Variants in TVP23C observed in about 807,000 individuals in gnomAD.
TVP23C encodes the protein Golgi apparatus membrane protein TVP23 homolog C.
Under a neutral mutation model 28.7 loss-of-function variants are expected in TVP23C, and 19 were observed. The observed-to-expected ratio is 0.66, with a 90% CI of 0.46 to 0.97. The LOEUF is 0.97. Ranked by LOEUF, TVP23C falls within the 50% of genes least tolerant of loss-of-function variation. The pLI, the probability that TVP23C is intolerant of heterozygous loss-of-function variation, is 0.00. For missense variants in TVP23C, 186 were observed against 241.3 expected, an observed-to-expected ratio of 0.77 and a Z score of 1.52; for synonymous variants, 68 against 81.7, an observed-to-expected ratio of 0.83 and a Z score of 0.90.
intron 3 of TVP23C, among the ~76,000 whole-genome samples, chr17:15,550,663 G>A (rs1983844541): frequency 6.6e-6 from 1 of 151,974 alleles, no homozygotes; most frequent in Non-Finnish European, 1.5e-5. Flanking sequence ...ATTTTACTCT[G>A]TGAATGATCT....
At chr17:15,524,406 G>A (rs1448451924) in intron 5 of TVP23C, among the ~76,000 whole-genome samples, 2 of 152,096 alleles carry the variant, frequency 1.3e-5, no homozygotes, top group East Asian at 3.9e-4. Context: ...TGAATGCTTG[G>A]TTGTTTCCAG....
At chr17:15,563,349 GC>G (rs1984490372) in intron 1 of TVP23C, 87 bp downstream of exon 1, 1 of 1,527,800 alleles carries the variant, frequency 6.5e-7, no homozygotes, top group African/African-American at 1.4e-5. Flanking sequence ...CGAGTAGCGG[GC>G]GCGGGGGACG....
chr17:15,507,952 T>G (rs1165666660), intron 5 of TVP23C, among the ~76,000 whole-genome samples: 1 of 152,204 alleles, frequency 6.6e-6, no homozygotes, highest in Non-Finnish European at 1.5e-5. Context: ...TTCGAGTTCA[T>G]GTAAGGAGTA....
chr17:15,545,314 C>T (rs1258200866), intron 5 of TVP23C, among the ~76,000 whole-genome samples: 1 of 152,184 alleles, frequency 6.6e-6, no homozygotes, highest in African/African-American at 2.4e-5. Flanking sequence ...CATGGAAAAA[C>T]ATGTGGAGAG....
At chr17:15,507,325 T>C (rs1981799607) in intron 5 of TVP23C, 1 of 758,884 alleles carries the variant, frequency 1.3e-6, no homozygotes, top group Non-Finnish European at 2.4e-6. Context: ...AGCAAGAAGA[T>C]CACCATTGCT....
chr17:15,533,243 G>A (rs370543564), downstream of TVP23C, among the ~76,000 whole-genome samples: 4 of 152,344 alleles, frequency 2.6e-5, no homozygotes, highest in African/African-American at 9.6e-5. Context: ...ATAAAAGGAA[G>A]CAACTTACGG....
chr17:15,503,369 C>A (rs1981576858), intron 5 of TVP23C: 2 of 1,092,844 alleles, frequency 1.8e-6, no homozygotes, highest in Admixed American at 3.0e-5. Flanking sequence ...CACGCCACTG[C>A]ACTCCAGCCT....
chr17:15,541,634 TTTAA>T (rs1983414231), intron 5 of TVP23C, among the ~76,000 whole-genome samples: 1 of 152,176 alleles, frequency 6.6e-6, no homozygotes. Context: ...GATTTTAATG[TTTAA>T]TTAATAGATT....
chr17:15,542,826 G>C (rs575897388), intron 5 of TVP23C, among the ~76,000 whole-genome samples: 2 of 152,274 alleles, frequency 1.3e-5, no homozygotes, highest in South Asian at 4.1e-4. Context: ...TTGCATGAGT[G>C]AAAAATCAGA....
chr17:15,526,314 G>A (rs990329346), intron 5 of TVP23C, among the ~76,000 whole-genome samples: 2 of 151,960 alleles, frequency 1.3e-5, no homozygotes, highest in Non-Finnish European at 1.5e-5. Flanking sequence ...GCTCATCATC[G>A]AAGCCTCACC....
At chr17:15,543,881 G>C (rs1983530458) in intron 5 of TVP23C, among the ~76,000 whole-genome samples, 1 of 151,788 alleles carries the variant, frequency 6.6e-6, no homozygotes, top group Non-Finnish European at 1.5e-5. Flanking sequence ...AAATAAAAAT[G>C]ATCCAACATA....
intron 5 of TVP23C, among the ~76,000 whole-genome samples, chr17:15,506,325 C>T (rs1375953889): frequency 2.0e-5 from 3 of 152,194 alleles, no homozygotes; most frequent in African/African-American, 4.8e-5. Context: ...ATTATAAATA[C>T]ACCAATCAGC....
At chr17:15,517,507 C>T (rs565203397) in intron 5 of TVP23C, among the ~76,000 whole-genome samples, 1 of 152,272 alleles carries the variant, frequency 6.6e-6, no homozygotes, top group East Asian at 1.9e-4. Context: ...TCATCTTATC[C>T]AATAAGGGTG....
At chr17:15,552,144 T>C (rs1424253346) in intron 3 of TVP23C, among the ~76,000 whole-genome samples, 1 of 152,206 alleles carries the variant, frequency 6.6e-6, no homozygotes, top group Non-Finnish European at 1.5e-5. Flanking sequence ...CTGGAAAGCA[T>C]GTTCTATTTG....
At chr17:15,516,971 G>C (rs1190873509) in intron 5 of TVP23C, among the ~76,000 whole-genome samples, 1 of 152,196 alleles carries the variant, frequency 6.6e-6, no homozygotes, top group African/African-American at 2.4e-5. Context: ...AGGTGTGCAA[G>C]CTCAGAAACT....
intron 5 of TVP23C, among the ~76,000 whole-genome samples, chr17:15,542,437 G>C (rs1316351826): frequency 6.6e-6 from 1 of 152,052 alleles, no homozygotes; most frequent in Non-Finnish European, 1.5e-5. Context: ...CCGTCCTGTG[G>C]TCTTAACCCA....
chr17:15,538,263 T>A lies in TVP23C; in HGVS notation c.*2149A>T, dbSNP rs192809995. The A allele has an allele frequency of 3.0e-5, 46 of 1,548,262 alleles. No homozygotes were observed. The highest frequency in any genetic ancestry group is 3.9e-5 in the Non-Finnish European group (45 of 1,149,366). ...CATTCTATATTTCTAAGCAGAGCAT[T>A]ACCTTACATACAATGGCCCAATCAC... On this transcript the variant is annotated 3_prime_UTR_variant, in exon 6 of 6. Coordinates refer to ENST00000518321, the MANE Select transcript of TVP23C (RefSeq NM_001135036.2).
intron 5 of TVP23C, among the ~76,000 whole-genome samples, chr17:15,513,534 C>T (rs1982091385): frequency 6.6e-6 from 1 of 152,150 alleles, no homozygotes; most frequent in South Asian, 2.1e-4. Flanking sequence ...AGCAAGGGAC[C>T]AAGATTTATA....
In TVP23C at chr17:15,538,458, C is replaced by T. The variant is rs1327366872; in HGVS notation, c.*1954G>A. The T allele has an allele frequency of 9.2e-5, 62 of 675,034 alleles. No homozygotes were observed. In the East Asian group the frequency reaches 1.2e-3, roughly 13 times the overall value. The allele number at this position is 675,034 out of a possible 1,614,324, so 41.8% of individuals were successfully genotyped here. A position where few individuals can be genotyped will look rare whatever the true frequency, so the allele number is the denominator to read the frequency against. ...ACAAAAAATTAGCCAGGCGTGGTGG[C>T]GGGCGCCTGCAATCCCAGCTACTCG... On this transcript the variant is annotated 3_prime_UTR_variant, in exon 6 of 6. Transcript: ENST00000518321.
Sources: allele counts gnomAD v4.1 joint callset (sites outside exome capture counted in the v4.1 genomes callset), GRCh38; gene constraint gnomAD v4.1.1; transcripts MANE v1.5; gene names NCBI Gene and HGNC (gene_info 2026-07-23, HGNC 2026-07-21).